Variants in FAM107B observed in about 807,000 individuals in gnomAD.
FAM107B encodes family with sequence similarity 107 member B, also known as protein FAM107B.
FAM107B carries 21 observed loss-of-function variants against 31.5 expected under a neutral mutation model. The observed-to-expected ratio is 0.67, with a 90% CI of 0.47 to 0.96. FAM107B has a LOEUF of 0.96. Ranked by LOEUF, FAM107B falls within the 40% of genes least tolerant of loss-of-function variation. The probability of loss-of-function intolerance (pLI) is 0.00; values close to 1 mark genes in which losing one functional copy is unlikely to be tolerated. For synonymous variants in FAM107B, 157 were observed against 141.5 expected, an observed-to-expected ratio of 1.11 and a Z score of -0.78; for missense variants, 452 against 377.1, an observed-to-expected ratio of 1.20 and a Z score of -1.64.
intron 2 of FAM107B, among the ~76,000 whole-genome samples, chr10:14,629,911 A>G (rs1853309912): frequency 6.6e-6 from 1 of 152,226 alleles, no homozygotes; most frequent in Non-Finnish European, 1.5e-5. Context: ...TTTAAAATCA[A>G]GTATTAATAC....
At chr10:14,663,016 G>A (rs1429541164) in intron 2 of FAM107B, among the ~76,000 whole-genome samples, 1 of 152,234 alleles carries the variant, frequency 6.6e-6, no homozygotes, top group Non-Finnish European at 1.5e-5. Flanking sequence ...TAGACTTGCT[G>A]AGTCTTCCGG....
intron 1 of FAM107B, among the ~76,000 whole-genome samples, chr10:14,668,956 A>C (rs1449174054): frequency 6.6e-6 from 1 of 152,198 alleles, no homozygotes; most frequent in Non-Finnish European, 1.5e-5. Context: ...TTGAATTCAA[A>C]AACTGGTATT....
At chr10:14,705,989 TA>T (rs1199311220) in intron 1 of FAM107B, among the ~76,000 whole-genome samples, 1 of 152,192 alleles carries the variant, frequency 6.6e-6, no homozygotes, top group Non-Finnish European at 1.5e-5. Context: ...GCACTCTTGC[TA>T]AACTCCTATA....
At chr10:14,753,604 T>C (rs892762787) in intron 1 of FAM107B, among the ~76,000 whole-genome samples, 16 of 152,318 alleles carry the variant, frequency 1.1e-4, no homozygotes, top group South Asian at 2.1e-4. Context: ...TCCATTATGT[T>C]TGTTGTGTGT....
intron 2 of FAM107B, among the ~76,000 whole-genome samples, chr10:14,625,463 T>C (rs1287794379): frequency 6.6e-6 from 1 of 152,124 alleles, no homozygotes; most frequent in Non-Finnish European, 1.5e-5. Flanking sequence ...CCTTTGTAAC[T>C]GCTCCAGCCA....
chr10:14,737,006 G>A (rs1042279483), intron 1 of FAM107B, among the ~76,000 whole-genome samples: 1 of 152,140 alleles, frequency 6.6e-6, no homozygotes, highest in Non-Finnish European at 1.5e-5. Context: ...GCCTGAGGAA[G>A]GCGGGGAGTA....
At chr10:14,662,722 T>C (rs1276438171) in intron 2 of FAM107B, among the ~76,000 whole-genome samples, 1 of 152,146 alleles carries the variant, frequency 6.6e-6, no homozygotes, top group Non-Finnish European at 1.5e-5. Flanking sequence ...AGTGCACCAA[T>C]GTGTATGTGC....
intron 1 of FAM107B, among the ~76,000 whole-genome samples, chr10:14,700,521 C>T (rs999919868): frequency 2.0e-5 from 3 of 150,672 alleles, no homozygotes; most frequent in African/African-American, 7.3e-5. Flanking sequence ...AGAAGAGATG[C>T]AATAAAAAGA....
At chr10:14,714,412 G>C (rs1022441374) in intron 1 of FAM107B, among the ~76,000 whole-genome samples, 1 of 152,190 alleles carries the variant, frequency 6.6e-6, no homozygotes, top group Non-Finnish European at 1.5e-5. Flanking sequence ...TCAGGACGCA[G>C]GGATGATGGT....
intron 2 of FAM107B, among the ~76,000 whole-genome samples, chr10:14,601,537 T>C (rs1462621167): frequency 1.3e-5 from 2 of 152,186 alleles, no homozygotes; most frequent in Non-Finnish European, 2.9e-5. Flanking sequence ...GACCCCATGA[T>C]GCACACAGAG....
chr10:14,768,808 G>A (rs12257825), intron 1 of FAM107B, among the ~76,000 whole-genome samples: 8,413 of 152,188 alleles, frequency 0.055, 703 homozygotes, highest in African/African-American at 0.18. Flanking sequence ...CTCAGTCAGC[G>A]CAACCCTACC....
intron 1 of FAM107B, among the ~76,000 whole-genome samples, chr10:14,712,573 G>A (rs1274078468): frequency 2.7e-5 from 4 of 150,210 alleles, no homozygotes; most frequent in Non-Finnish European, 4.4e-5. Context: ...CAGCCTGGGG[G>A]ATAGAATGTG....
chr10:14,537,078 G>C (rs367941436), intron 2 of FAM107B, among the ~76,000 whole-genome samples: 2 of 152,128 alleles, frequency 1.3e-5, no homozygotes, highest in African/African-American at 4.8e-5. Context: ...AAGCTGGCCC[G>C]AGTGAGGTGG....
intron 1 of FAM107B, among the ~76,000 whole-genome samples, chr10:14,718,629 A>G (rs1031983126): frequency 3.3e-5 from 5 of 152,214 alleles, no homozygotes; most frequent in African/African-American, 9.6e-5. Context: ...AGTAGGAAGA[A>G]TGCACCAACC....
chr10:14,734,933 C>T (rs1056635209), intron 1 of FAM107B, among the ~76,000 whole-genome samples: 1 of 152,104 alleles, frequency 6.6e-6, no homozygotes, highest in Non-Finnish European at 1.5e-5. Flanking sequence ...CAATCTCCTC[C>T]CCTGGCACAT....
At chr10:14,546,373 G>A (rs1183831516) in intron 2 of FAM107B, among the ~76,000 whole-genome samples, 1 of 152,244 alleles carries the variant, frequency 6.6e-6, no homozygotes, top group Non-Finnish European at 1.5e-5. Flanking sequence ...ATCTGTGGGT[G>A]TTTTGGCACC....
At chr10:14,618,045 C>A (rs1200802228) in intron 2 of FAM107B, among the ~76,000 whole-genome samples, 3 of 152,182 alleles carry the variant, frequency 2.0e-5, no homozygotes, top group African/African-American at 4.8e-5. Flanking sequence ...ATTTCACCAC[C>A]TAAAAAAGTT....
intron 1 of FAM107B, among the ~76,000 whole-genome samples, chr10:14,753,796 C>A (rs377682349): frequency 6.6e-6 from 1 of 152,054 alleles, no homozygotes; most frequent in African/African-American, 2.4e-5. Context: ...ATTTTAGTAA[C>A]CAGAGAAAGT....
chr10:14,551,796 C>T (rs2131075959), intron 2 of FAM107B, among the ~76,000 whole-genome samples: 1 of 152,152 alleles, frequency 6.6e-6, no homozygotes, highest in East Asian at 1.9e-4. Flanking sequence ...TAGTTTAATC[C>T]ACTGAAATGC....
Sources: gnomAD v4.1 joint callset for allele counts (sites outside exome capture counted in the v4.1 genomes callset) on GRCh38, gnomAD v4.1.1 for gene constraint, MANE v1.5 for transcripts, NCBI Gene and HGNC (gene_info 2026-07-23, HGNC 2026-07-21) for gene names.